Variants in UBR3 observed in about 807,000 individuals in gnomAD.
UBR3 encodes the protein E3 ubiquitin-protein ligase UBR3.
In UBR3, 85 loss-of-function variants were observed where a neutral mutation model predicts 243.2. The observed-to-expected ratio is 0.35, with a 90% CI of 0.29 to 0.42. The LOEUF (loss-of-function observed/expected upper bound fraction) is 0.42, where lower values mean the gene tolerates loss of function less well. Ranked by LOEUF, UBR3 falls within the 10% of genes least tolerant of loss-of-function variation. The pLI is 1.00. For synonymous variants in UBR3, 748 were observed against 799.8 expected (o/e 0.94, Z 1.09); for missense variants, 1,686 against 2,300.8 (o/e 0.73, Z 5.47).
At chr2:169,875,766 G>T in intron 2 of UBR3, 25 bp from the exon 3 acceptor site, 1 of 1,492,876 alleles carries the variant, frequency 6.7e-7, no homozygotes, top group Non-Finnish European at 8.9e-7. Context: ...ACCCTTATTT[G>T]ATTTTTTTTC....
chr2:170,046,018 A>G (rs2091078892), intron 32 of UBR3, among the ~76,000 whole-genome samples: 2 of 147,338 alleles, frequency 1.4e-5, no homozygotes, highest in African/African-American at 2.5e-5. Context: ...CTAGGCTGGA[A>G]TGCAGTGGCA....
At chr2:170,015,019 G>T in intron 29 of UBR3, 1 of 274,208 alleles carries the variant, frequency 3.6e-6, no homozygotes. Flanking sequence ...GCCAAGAGTT[G>T]GGACTTTGCA....
At chr2:169,982,879 T>C (rs2105385115) in intron 24 of UBR3, among the ~76,000 whole-genome samples, 1 of 152,340 alleles carries the variant, frequency 6.6e-6, no homozygotes, top group East Asian at 1.9e-4. Context: ...GGTTCTGTTG[T>C]GAACCAAACT....
chr2:169,914,489 G>C (rs1368178804), intron 11 of UBR3, among the ~76,000 whole-genome samples: 2 of 152,148 alleles, frequency 1.3e-5, no homozygotes, highest in Non-Finnish European at 2.9e-5. Flanking sequence ...AATGTGAATA[G>C]GATAGGGGAG....
At chr2:169,900,954 C>T (rs1439145932) in intron 8 of UBR3, among the ~76,000 whole-genome samples, 7 of 152,122 alleles carry the variant, frequency 4.6e-5, no homozygotes, top group South Asian at 2.1e-4. Context: ...CACTCAAAAG[C>T]GTCCCAGTTT....
chr2:169,881,960 A>G (rs568940043), intron 5 of UBR3, among the ~76,000 whole-genome samples: 1 of 100,238 alleles, frequency 1.0e-5, no homozygotes, highest in Non-Finnish European at 2.2e-5. Flanking sequence ...GTATGTATAC[A>G]TACATATGTA....
chr2:170,046,263 C>G (rs1424494939), intron 32 of UBR3, among the ~76,000 whole-genome samples: 1 of 152,106 alleles, frequency 6.6e-6, no homozygotes, highest in South Asian at 2.1e-4. Context: ...CTGTGCCCAG[C>G]CTGTAAATTA....
intron 33 of UBR3, among the ~76,000 whole-genome samples, chr2:170,059,564 G>A (rs1290209211): frequency 2.0e-5 from 3 of 152,100 alleles, no homozygotes; most frequent in Non-Finnish European, 4.4e-5. Flanking sequence ...ATACATTGCT[G>A]TTTTGATATT....
At chr2:170,069,949 ATAT>A (rs2091662214) in intron 35 of UBR3, among the ~76,000 whole-genome samples, 1 of 152,098 alleles carries the variant, frequency 6.6e-6, no homozygotes, top group African/African-American at 2.4e-5. Context: ...ATAATACCTA[ATAT>A]AAATGCTATA....
At chr2:170,077,396 G>T in intron 36 of UBR3, 1 of 1,187,054 alleles carries the variant, frequency 8.4e-7, no homozygotes, top group Non-Finnish European at 1.2e-6. Context: ...GGGAATGAGG[G>T]ACTCTTCTTT....
intron 33 of UBR3, among the ~76,000 whole-genome samples, chr2:170,057,431 A>G (rs2091359409): frequency 6.6e-6 from 1 of 152,000 alleles, no homozygotes; most frequent in Admixed American, 6.6e-5. Context: ...TTTTTCCTAA[A>G]TATTCTTTTA....
intron 8 of UBR3, 123 bp downstream of exon 8, chr2:169,896,858 T>C: frequency 3.0e-6 from 2 of 656,676 alleles, no homozygotes; most frequent in Non-Finnish European, 4.6e-6. Context: ...AATCATATTC[T>C]AGTATTAGTG....
In UBR3 at chr2:169,971,133, G is replaced by T. The variant is rs933382973; in HGVS notation, c.3634+12607G>T. Among the ~76,000 whole-genome samples, 98 of 152,186 alleles carry T rather than the reference G, an allele frequency of 6.4e-4. 1 individual carries two copies. Among genetic ancestry groups the T allele is most frequent in the Non-Finnish European group, 2.1e-4 (14 of 68,014 alleles). On this transcript the variant is annotated intron_variant, in intron 24 of 38. Transcript: ENST00000272793. ...CTGCATAAATGTCTTCTTTTGAGAAGTGTCTGTTCACGTCCTTCGCCCACT... is the reference window on the plus strand; with the variant it reads ...CTGCATAAATGTCTTCTTTTGAGAATTGTCTGTTCACGTCCTTCGCCCACT...
intron 21 of UBR3, among the ~76,000 whole-genome samples, chr2:169,947,210 A>C (rs2086819725): frequency 2.0e-5 from 3 of 152,122 alleles, no homozygotes; most frequent in African/African-American, 7.2e-5. Flanking sequence ...AATTTGTCCA[A>C]ATTAGCATTA....
chr2:169,941,782 A>AG (rs1168608053), intron 19 of UBR3, among the ~76,000 whole-genome samples: 1 of 152,212 alleles, frequency 6.6e-6, no homozygotes, highest in African/African-American at 2.4e-5. Flanking sequence ...TGAAGATAAG[A>AG]GGGGACTACT....
At chr2:169,861,564 G>A (rs932154755) in intron 1 of UBR3, among the ~76,000 whole-genome samples, 5 of 147,302 alleles carry the variant, frequency 3.4e-5, no homozygotes, top group Non-Finnish European at 5.9e-5. Context: ...CCGAGATCGC[G>A]CCACTGCACT....
chr2:169,838,805 C>T (rs372288202), intron 1 of UBR3, among the ~76,000 whole-genome samples: 26 of 152,282 alleles, frequency 1.7e-4, no homozygotes, highest in Middle Eastern at 3.4e-3. Flanking sequence ...CAATCAGATA[C>T]GGTGAGACTC....
chr2:169,878,992 A>G (rs1337921752), intron 5 of UBR3, among the ~76,000 whole-genome samples: 1 of 152,074 alleles, frequency 6.6e-6, no homozygotes, highest in Non-Finnish European at 1.5e-5. Context: ...TGTTTTTCTA[A>G]TCGTATAATA....
intron 28 of UBR3, among the ~76,000 whole-genome samples, chr2:170,007,510 C>A (rs918345691): frequency 2.6e-5 from 4 of 152,156 alleles, no homozygotes; most frequent in East Asian, 3.8e-4. Flanking sequence ...GTAATCCCAG[C>A]ACTTTGGGAG....
Sources: allele counts gnomAD v4.1 joint callset (sites outside exome capture counted in the v4.1 genomes callset), GRCh38; gene constraint gnomAD v4.1.1; transcripts MANE v1.5; gene names NCBI Gene and HGNC (gene_info 2026-07-23, HGNC 2026-07-21).